BTAF1: variants seen among roughly 807,000 people sequenced by gnomAD.
BTAF1 encodes TATA-binding protein-associated factor 172.
BTAF1 carries 38 observed loss-of-function variants against 227.1 expected under a neutral mutation model. The observed-to-expected ratio is 0.17, with a 90% confidence interval of 0.13 to 0.22. BTAF1 has a LOEUF of 0.22. BTAF1 is among the 10% of genes least tolerant of loss of function. BTAF1 has a pLI of 1.00. For missense variants in BTAF1, 1,598 were observed against 2,204.0 expected (o/e 0.73, Z 5.51); for synonymous variants, 742 against 751.9 (o/e 0.99, Z 0.21).
intron 2 of BTAF1, among the ~76,000 whole-genome samples, chr10:91,937,931 A>T (rs1163712925): frequency 2.0e-5 from 3 of 152,230 alleles, no homozygotes; most frequent in Non-Finnish European, 4.4e-5. Flanking sequence ...CATCCTTGTC[A>T]ATACTTCTTG....
At chr10:91,955,803 A>T (rs2133875646) in intron 6 of BTAF1, among the ~76,000 whole-genome samples, 1 of 152,318 alleles carries the variant, frequency 6.6e-6, no homozygotes, top group South Asian at 2.1e-4. Flanking sequence ...GAAGAGTAAT[A>T]GGAAATGAGA....
chr10:91,935,028 G>A (rs186815125), intron 1 of BTAF1: 1 of 152,080 alleles, frequency 6.6e-6, no homozygotes, highest in Non-Finnish European at 1.5e-5. Context: ...TTCAACCCCA[G>A]TAGCAAGTTC....
rs1016790589 is a variant in BTAF1 at position 92,030,552 on chromosome 10, C to T, written c.*1619C>T. Among the ~76,000 whole-genome samples, 3 of 151,990 alleles carry T rather than the reference C, an allele frequency of 2.0e-5. No individual in the cohort carries two copies. Among genetic ancestry groups the T allele is most frequent in the Admixed American group, 1.3e-4 (2 of 15,262 alleles). Reference sequence around the variant, plus strand: ...AATTGATATTTTCTTAGAATAAGTACAGAGCAATATATCATTAAAGGGCTA... The same window carrying T: ...AATTGATATTTTCTTAGAATAAGTATAGAGCAATATATCATTAAAGGGCTA... On this transcript the variant is annotated 3_prime_UTR_variant, in exon 38 of 38. Coordinates refer to ENST00000265990, the MANE Select transcript of BTAF1 (RefSeq NM_003972.3).
intron 21 of BTAF1, among the ~76,000 whole-genome samples, chr10:91,993,154 ATATT>A (rs1320871143): frequency 6.6e-6 from 1 of 152,152 alleles, no homozygotes; most frequent in African/African-American, 2.4e-5. Context: ...TGTGATTTTG[ATATT>A]TATATCTCTA....
intron 25 of BTAF1, among the ~76,000 whole-genome samples, chr10:92,002,809 C>T (rs879758511): frequency 8.5e-5 from 13 of 152,068 alleles, no homozygotes; most frequent in Non-Finnish European, 1.6e-4. Flanking sequence ...CATCATAGGA[C>T]AGTAGTTCTC....
intron 3 of BTAF1, 128 bp from the exon 4 acceptor site, chr10:91,942,294 A>AT: frequency 8.0e-6 from 5 of 622,180 alleles, no homozygotes; most frequent in Non-Finnish European, 1.2e-5. Context: ...TTAAAAAAAA[A>AT]AGTTTGTGTG....
In BTAF1 at chr10:92,029,190, G is replaced by A. The variant is rs923816844; in HGVS notation, c.*257G>A. 3 of 299,802 alleles carry A rather than the reference G, an allele frequency of 1.0e-5. No homozygotes were observed. The highest frequency in any genetic ancestry group is 1.8e-5 in the Non-Finnish European group (3 of 166,764). The allele number at this position is 299,802 out of a possible 1,614,324, so 18.6% of individuals were successfully genotyped here. A position where few individuals can be genotyped will look rare whatever the true frequency, so the allele number is the denominator to read the frequency against. ...GCTGCAGAGCAGAGGAACCAAACCA[G>A]GTTTATTTGTGCTACCAGGAGGTGT... On this transcript the variant is annotated 3_prime_UTR_variant, in exon 38 of 38. Coordinates refer to ENST00000265990, the MANE Select transcript of BTAF1 (RefSeq NM_003972.3).
At chr10:91,929,890 A>G (rs1844156855) in intron 1 of BTAF1, among the ~76,000 whole-genome samples, 1 of 152,158 alleles carries the variant, frequency 6.6e-6, no homozygotes, top group Non-Finnish European at 1.5e-5. Flanking sequence ...AGATGACAGA[A>G]GGAACTATTG....
At chr10:91,994,493 A>T in intron 22 of BTAF1, 42 bp from the exon 23 acceptor site, 1 of 1,483,922 alleles carries the variant, frequency 6.7e-7, no homozygotes, top group East Asian at 2.3e-5. Context: ...CTAGATTTTG[A>T]AAAATTATTT....
At chr10:91,954,748 A>G (rs1461057610) in intron 6 of BTAF1, among the ~76,000 whole-genome samples, 1 of 152,048 alleles carries the variant, frequency 6.6e-6, no homozygotes, top group Non-Finnish European at 1.5e-5. Context: ...TGTAGACATA[A>G]GGTCTTCCTA....
chr10:91,994,453 C>G, intron 22 of BTAF1, 82 bp from the exon 23 acceptor site: 1 of 983,700 alleles, frequency 1.0e-6, no homozygotes, highest in Non-Finnish European at 1.5e-6. Flanking sequence ...CCTATGCTAG[C>G]TGAAAAAGTG....
At chr10:92,018,759 T>C (rs759656875) in intron 33 of BTAF1, 24 bp from the exon 34 acceptor site, 11 of 1,463,450 alleles carry the variant, frequency 7.5e-6, no homozygotes, top group Non-Finnish European at 8.2e-6. Flanking sequence ...TTGACTCATA[T>C]ATACTTTTTT....
intron 1 of BTAF1, among the ~76,000 whole-genome samples, chr10:91,927,197 G>A (rs1267574233): frequency 6.6e-6 from 1 of 151,194 alleles, no homozygotes; most frequent in Non-Finnish European, 1.5e-5. Flanking sequence ...GGAGTGCAAT[G>A]GTGCGTTCTT....
intron 25 of BTAF1, among the ~76,000 whole-genome samples, chr10:92,003,096 C>T (rs1849656401): frequency 6.7e-6 from 1 of 149,120 alleles, no homozygotes; most frequent in Non-Finnish European, 1.5e-5. Context: ...GCGGAGGTTG[C>T]AGTGAGTTGA....
At chr10:91,938,848 A>AC (rs1241584416) in intron 2 of BTAF1, among the ~76,000 whole-genome samples, 1 of 151,970 alleles carries the variant, frequency 6.6e-6, no homozygotes, top group Non-Finnish European at 1.5e-5. Context: ...TAACACTGAG[A>AC]CCCCATCTCT....
In BTAF1 at chr10:91,992,326, T is replaced by TG; in HGVS notation, c.3045+17_3045+18insG. 1 of 1,550,082 alleles carries TG rather than the reference T, an allele frequency of 6.5e-7. No individual in the cohort carries two copies. Among genetic ancestry groups the TG allele is most frequent in the Non-Finnish European group, 8.7e-7 (1 of 1,149,876 alleles). On this transcript the variant is annotated intron_variant, in intron 21 of 37. Coordinates refer to ENST00000265990, the MANE Select transcript of BTAF1 (RefSeq NM_003972.3). ...CTTGATGAGGTAAGTAGTTTTTTTT[T>TG]TTTTTTAATGCTTTGATTTTTAAAC...
At chr10:91,937,526 C>A (rs909588084) in intron 2 of BTAF1, among the ~76,000 whole-genome samples, 1 of 152,094 alleles carries the variant, frequency 6.6e-6, no homozygotes, top group African/African-American at 2.4e-5. Flanking sequence ...GAAGATTTGC[C>A]TATCCTGAAC....
chr10:91,973,748 C>CA, intron 14 of BTAF1, among the ~76,000 whole-genome samples: 1 of 151,170 alleles, frequency 6.6e-6, no homozygotes, highest in Admixed American at 6.6e-5. Flanking sequence ...ACTAAAAATA[C>CA]AAAAAATTAG....
intron 4 of BTAF1, among the ~76,000 whole-genome samples, chr10:91,943,641 TAAG>T (rs1845167049): frequency 1.3e-5 from 2 of 152,148 alleles, no homozygotes; most frequent in Admixed American, 1.3e-4. Context: ...TGCAGAGAAT[TAAG>T]AGGATAATTT....
Sources: gnomAD v4.1 joint callset for allele counts (sites outside exome capture counted in the v4.1 genomes callset) on GRCh38, gnomAD v4.1.1 for gene constraint, MANE v1.5 for transcripts, NCBI Gene and HGNC (gene_info 2026-07-23, HGNC 2026-07-21) for gene names.